Variants in SEMA3D observed in about 807,000 individuals in gnomAD.
The protein encoded by SEMA3D is semaphorin-3D.
SEMA3D carries 84 observed loss-of-function variants against 100.1 expected under a neutral mutation model. The ratio of observed to expected loss-of-function variants is 0.84; its 90% CI spans 0.70 to 1.01. The LOEUF (loss-of-function observed/expected upper bound fraction) is 1.01, where lower values mean the gene tolerates loss of function less well. Ranked by LOEUF, SEMA3D falls within the 50% of genes least tolerant of loss-of-function variation. SEMA3D has a pLI of 0.00. For missense variants in SEMA3D, 875 were observed against 934.1 expected (o/e 0.94, Z 0.82); for synonymous variants, 312 against 320.7 (o/e 0.97, Z 0.29).
chr7:85,071,807 G>A (rs1323493534), intron 6 of SEMA3D, among the ~76,000 whole-genome samples: 1 of 152,166 alleles, frequency 6.6e-6, no homozygotes, highest in African/African-American at 2.4e-5. Context: ...ATCTCATGGA[G>A]CTACCATATT....
At chr7:85,091,739 C>A (rs1395609816) in intron 4 of SEMA3D, among the ~76,000 whole-genome samples, 2 of 152,008 alleles carry the variant, frequency 1.3e-5, no homozygotes, top group Non-Finnish European at 2.9e-5. Context: ...CAAACACATT[C>A]ATTATTATAA....
chr7:85,014,026 G>A (rs1245301313), intron 16 of SEMA3D, among the ~76,000 whole-genome samples: 1 of 151,696 alleles, frequency 6.6e-6, no homozygotes. Context: ...ATAATCATAT[G>A]TACCCATTTC....
At chr7:85,112,134 CA>C (rs994876785) in intron 3 of SEMA3D, among the ~76,000 whole-genome samples, 1 of 152,070 alleles carries the variant, frequency 6.6e-6, no homozygotes, top group Non-Finnish European at 1.5e-5. Context: ...TTAGATGTAT[CA>C]AAACAAATCA....
At chr7:85,005,720 A>G (rs1789777470) in intron 18 of SEMA3D, among the ~76,000 whole-genome samples, 1 of 151,896 alleles carries the variant, frequency 6.6e-6, no homozygotes. Flanking sequence ...TAGGATTTTT[A>G]GAATCATCTC....
chr7:85,246,725 T>C, the SEMA3D span, among the ~76,000 whole-genome samples: 2 of 151,908 alleles, frequency 1.3e-5, no homozygotes, highest in Non-Finnish European at 2.9e-5. Flanking sequence ...AATTTGAAGA[T>C]AATAATTCCC....
chr7:85,014,193 C>T (rs911308999), intron 16 of SEMA3D, among the ~76,000 whole-genome samples: 3 of 151,762 alleles, frequency 2.0e-5, no homozygotes, highest in African/African-American at 7.3e-5. Flanking sequence ...GGTAATGAGA[C>T]TAGCATGTGC....
chr7:85,208,018 G>A, the SEMA3D span, among the ~76,000 whole-genome samples: 1 of 151,854 alleles, frequency 6.6e-6, no homozygotes, highest in Non-Finnish European at 1.5e-5. Flanking sequence ...AATTTCATTT[G>A]TTTAAATAAT....
intron 17 of SEMA3D, among the ~76,000 whole-genome samples, chr7:85,008,043 A>C (rs1789848014): frequency 6.6e-6 from 1 of 151,840 alleles, no homozygotes; most frequent in South Asian, 2.1e-4. Flanking sequence ...CCTGTAGTCT[A>C]TCAACTATCT....
chr7:85,157,858 T>C (rs914339523), intron 1 of SEMA3D, among the ~76,000 whole-genome samples: 6 of 152,132 alleles, frequency 3.9e-5, no homozygotes, highest in African/African-American at 1.4e-4. Flanking sequence ...AGAACATAAA[T>C]TGTGAAGATT....
At chr7:85,103,714 T>C (rs557040396) in intron 3 of SEMA3D, among the ~76,000 whole-genome samples, 5 of 152,182 alleles carry the variant, frequency 3.3e-5, no homozygotes, top group African/African-American at 4.8e-5. Context: ...GATGTTCAAA[T>C]TCCCACTTTT....
chr7:85,079,799 G>T (rs1486226856), intron 5 of SEMA3D, among the ~76,000 whole-genome samples: 1 of 152,104 alleles, frequency 6.6e-6, no homozygotes, highest in Non-Finnish European at 1.5e-5. Context: ...TGTTCATGCT[G>T]GTTATGCCAT....
At chr7:85,091,012 A>G (rs1180423307) in intron 4 of SEMA3D, among the ~76,000 whole-genome samples, 1 of 151,844 alleles carries the variant, frequency 6.6e-6, no homozygotes, top group Non-Finnish European at 1.5e-5. Flanking sequence ...AGAAAGAAAG[A>G]AACGAAAAGA....
At chr7:85,222,665 G>A in the SEMA3D span, among the ~76,000 whole-genome samples, 4 of 152,064 alleles carry the variant, frequency 2.6e-5, no homozygotes, top group African/African-American at 7.2e-5. Flanking sequence ...TCACAGAAAC[G>A]AAGGCATTGC....
At chr7:85,202,990 A>C in the SEMA3D span, among the ~76,000 whole-genome samples, 1 of 152,234 alleles carries the variant, frequency 6.6e-6, no homozygotes, top group Non-Finnish European at 1.5e-5. Context: ...ACGTTTTCAT[A>C]GTAACAGGAA....
intron 2 of SEMA3D, among the ~76,000 whole-genome samples, chr7:85,133,037 A>G (rs1278775763): frequency 1.3e-5 from 2 of 151,980 alleles, no homozygotes; most frequent in Non-Finnish European, 2.9e-5. Context: ...AGTGAGACTA[A>G]TAAAGTGCCA....
At chr7:85,099,564 G>C (rs1430392540) in intron 3 of SEMA3D, among the ~76,000 whole-genome samples, 1 of 151,950 alleles carries the variant, frequency 6.6e-6, no homozygotes, top group African/African-American at 2.4e-5. Flanking sequence ...TAAGGAGCAT[G>C]ACTGTTGGGT....
chr7:85,215,542 C>T, the SEMA3D span, among the ~76,000 whole-genome samples: 2 of 152,154 alleles, frequency 1.3e-5, no homozygotes, highest in African/African-American at 2.4e-5. Flanking sequence ...TTTTTTCTCC[C>T]TCACCTTCTT....
At chr7:85,233,316 CT>C in the SEMA3D span, among the ~76,000 whole-genome samples, 2 of 152,008 alleles carry the variant, frequency 1.3e-5, no homozygotes, top group African/African-American at 2.4e-5. Flanking sequence ...GCTAGAATGG[CT>C]CAGCCTTTGA....
intron 11 of SEMA3D, 58 bp from the exon 12 acceptor site, chr7:85,037,091 C>T: frequency 6.4e-7 from 1 of 1,550,548 alleles, no homozygotes; most frequent in Non-Finnish European, 8.8e-7. Flanking sequence ...TAAACATTGA[C>T]TGAGCACATA....
Sources: allele counts gnomAD v4.1 joint callset (sites outside exome capture counted in the v4.1 genomes callset), GRCh38; gene constraint gnomAD v4.1.1; transcripts MANE v1.5; gene names NCBI Gene and HGNC (gene_info 2026-07-23, HGNC 2026-07-21).